The following TMEM39B variants were observed in gnomAD, a reference collection of about 807,000 sequenced individuals.
TMEM39B encodes the protein transmembrane protein 39B.
TMEM39B carries 23 observed loss-of-function variants against 52.2 expected under a neutral mutation model. That is an observed-to-expected ratio of 0.44 (90% CI 0.32 to 0.62). The LOEUF (loss-of-function observed/expected upper bound fraction) is 0.62. TMEM39B is among the 20% of genes least tolerant of loss of function. The pLI is 0.06. For missense variants in TMEM39B, 547 were observed against 642.0 expected (o/e 0.85, Z 1.60); for synonymous variants, 285 against 264.0 (o/e 1.08, Z -0.77).
At position 32,073,013 on chromosome 1, in the gene TMEM39B, T is replaced by C; in HGVS notation, c.-35T>C. 1 of 1,531,936 alleles carries C rather than the reference T, an allele frequency of 6.5e-7. No individual in the cohort carries two copies. The highest frequency in any genetic ancestry group is 2.6e-5 in the East Asian group (1 of 38,316). The allele number at this position is 1,531,936 out of a possible 1,614,324, so 94.9% of individuals were successfully genotyped here. A position where few individuals can be genotyped will look rare whatever the true frequency, so the allele number is the denominator to read the frequency against. On this transcript the variant is annotated 5_prime_UTR_variant, in exon 1 of 9. Coordinates refer to ENST00000336294, the MANE Select transcript of TMEM39B (RefSeq NM_018056.4). ...CCTCCGACATATTGCCCGCAGGAGC[T>C]GCGGCGGCGAAGCGGAGAGCACCGG... is the stretch of plus-strand genomic sequence containing the variant.
At chr1:32,097,713 C>T (rs1193459480) in intron 7 of TMEM39B, among the ~76,000 whole-genome samples, 2 of 147,902 alleles carry the variant, frequency 1.4e-5, no homozygotes, top group African/African-American at 5.0e-5. Flanking sequence ...GGTGTGATCT[C>T]GGCTCACTGC....
chr1:32,085,676 G>C (rs146149983), intron 5 of TMEM39B, among the ~76,000 whole-genome samples: 1 of 151,832 alleles, frequency 6.6e-6, no homozygotes, highest in Non-Finnish European at 1.5e-5. Context: ...GCTTGAACCC[G>C]GGAGGTGGAG....
chr1:32,076,940 T>C, intron 4 of TMEM39B, 94 bp downstream of exon 4: 1 of 1,451,250 alleles, frequency 6.9e-7, no homozygotes, highest in Non-Finnish European at 9.6e-7. Flanking sequence ...AGCCTTAGGG[T>C]ATTTCCTTGG....
In TMEM39B at chr1:32,080,082, G is replaced by T. The variant is rs1045067013; in HGVS notation, c.590+2764G>T. On this transcript the variant is annotated intron_variant, in intron 5 of 8. Transcript: ENST00000336294. ...TTTTTGTATTCTTAGTAGAGATGGG[G>T]TTTCACCGTGTTAGCCAGGATGGTC... Among the ~76,000 whole-genome samples, 4 of 151,922 alleles carry T rather than the reference G, an allele frequency of 2.6e-5. No individual in the cohort carries two copies. The South Asian group carries it at 8.3e-4, about 32-fold the overall frequency.
chr1:32,083,994 G>GACACACACACACACACAGACACAC (rs1553119420), intron 5 of TMEM39B, among the ~76,000 whole-genome samples: 3 of 150,416 alleles, frequency 2.0e-5, no homozygotes, highest in African/African-American at 7.3e-5. Context: ...CAGACACACA[G>GACACACACACACACACAGACACAC]ACACACACAC....
Position 32,095,210 on chromosome 1 carries a change from T to C in TMEM39B, c.1115+239T>C, listed in dbSNP as rs1640769388. ...GGACTGATGGTAATTCATGGACTTG[T>C]TGACTTTCTCTTTGCTGACTGTTTA... On this transcript the variant is annotated intron_variant, in intron 7 of 8. Coordinates refer to ENST00000336294, the MANE Select transcript of TMEM39B (RefSeq NM_018056.4). Among the ~76,000 whole-genome samples, 3 of 152,194 alleles carry C rather than the reference T, an allele frequency of 2.0e-5. No homozygotes were observed. The South Asian group carries it at 6.2e-4, about 32-fold the overall frequency.
At position 32,075,604 on chromosome 1, in the gene TMEM39B, A is replaced by T. The variant is rs867417059; in HGVS notation, c.133A>T (p.Ser45Cys). Residue 45 changes from serine to cysteine, a missense_variant and splice_region_variant, in exon 3 of 9, where the codon AGC (serine) becomes TGC (cysteine). By Grantham distance (112) the Ser-to-Cys change is moderately radical. Transcript: ENST00000336294. ...SVTSVRSRTR[S>C]SSGTGLSSPP... ...ATGTTGTTCCCTCCCCACTGTCAGG[A>T]GCAGTTCTGGAACAGGCCTCTCCAG... 2 of 1,549,858 alleles carry T rather than the reference A, an allele frequency of 1.3e-6. No individual in the cohort carries two copies. The highest frequency in any genetic ancestry group is 1.2e-5 in the South Asian group (1 of 83,980).
intron 6 of TMEM39B, among the ~76,000 whole-genome samples, chr1:32,092,952 A>C (rs1640665109): frequency 1.3e-5 from 2 of 152,222 alleles, no homozygotes; most frequent in African/African-American, 4.8e-5. Flanking sequence ...CAGACATGTC[A>C]CAATGTCTGG....
At chr1:32,083,986 G>GACACACACAC (rs779224876) in intron 5 of TMEM39B, among the ~76,000 whole-genome samples, 8,241 of 151,438 alleles carry the variant, frequency 0.054, 303 homozygotes, top group South Asian at 0.2. Context: ...CCCTGTTTCA[G>GACACACACAC]ACACACAGAC....
upstream of TMEM39B, chr1:32,072,858 G>A (rs1321983428): frequency 1.6e-6 from 1 of 632,320 alleles, no homozygotes; most frequent in Non-Finnish European, 2.6e-6. Context: ...GCCTCCGTCC[G>A]GGCGGCCCCT....
At chr1:32,089,503 A>G (rs1055666311) in intron 5 of TMEM39B, among the ~76,000 whole-genome samples, 1 of 151,892 alleles carries the variant, frequency 6.6e-6, no homozygotes, top group Non-Finnish European at 1.5e-5. Context: ...CTGTTTTTAT[A>G]TTACGGACTG....
chr1:32,088,160 G>T (rs2509304), intron 5 of TMEM39B, among the ~76,000 whole-genome samples: 1 of 137,550 alleles, frequency 7.3e-6, no homozygotes, highest in Non-Finnish European at 1.5e-5. Context: ...GCTCATGCCT[G>T]TAATCCCAGC....
chr1:32,076,395 G>C (rs1338822595), intron 3 of TMEM39B: 5 of 364,026 alleles, frequency 1.4e-5, no homozygotes, highest in Non-Finnish European at 2.7e-5. Context: ...ACAGGCGTGA[G>C]CCACCGCGCC....
chr1:32,094,117 CTTTTT>C (rs796499631), intron 6 of TMEM39B, among the ~76,000 whole-genome samples: 1 of 29,770 alleles, frequency 3.4e-5, no homozygotes, highest in Non-Finnish European at 6.0e-5. Flanking sequence ...TGCGCCTGGC[CTTTTT>C]TTTTTTTTTT....
intron 3 of TMEM39B, chr1:32,076,272 C>T (rs533798790): frequency 1.7e-4 from 43 of 252,908 alleles, no homozygotes; most frequent in African/African-American, 8.0e-4. Context: ...CCGCCATGTC[C>T]GGCTAATTTT....
At position 32,098,566 on chromosome 1, in the gene TMEM39B, T is replaced by A. The variant is rs182907653; in HGVS notation, c.1116-1876T>A. Among the ~76,000 whole-genome samples the A allele has an allele frequency of 3.4e-4, 51 of 151,350 alleles. No homozygotes were observed. In the East Asian group the frequency reaches 9.4e-3, roughly 28 times the overall value. ...GCTAACACGGTGAAACCCCGTCTCT[T>A]CTAAAAATACAAAAAAATTAGCTGG... On this transcript the variant is annotated intron_variant, in intron 7 of 8. Coordinates refer to ENST00000336294, the MANE Select transcript of TMEM39B (RefSeq NM_018056.4).
rs1254213120 is a variant in TMEM39B at position 32,091,708 on chromosome 1, T to C, written c.624T>C (p.Asn208=). 1 of 1,611,710 alleles carries C rather than the reference T, an allele frequency of 6.2e-7. No homozygotes were observed. Residue 208 remains asparagine, a synonymous_variant, in exon 6 of 9, where the codon AAT becomes AAC. Coordinates refer to ENST00000336294, the MANE Select transcript of TMEM39B (RefSeq NM_018056.4). The stretch of plus-strand genomic sequence containing the variant: ...TGTACATTCCGTTCCTGCAGCTGAA[T>C]TGCGACCTCCGCAAGACAAGCCTCT... The part of the protein sequence containing the change: ...FGMYIPFLQL[N]CDLRKTSLFN...
Position 32,091,806 on chromosome 1 carries a change from C to G in TMEM39B, c.722C>G (p.Thr241Arg). ...GLAKSRDYLL[T>R]LRETWKQHTR... Reference sequence around the variant, plus strand: ...GCAAAGAGCCGGGACTACCTCCTGACACTGCGGGAGACGTGGAAGCAGCAC... The same window carrying G: ...GCAAAGAGCCGGGACTACCTCCTGAGACTGCGGGAGACGTGGAAGCAGCAC... Residue 241 changes from threonine to arginine, a missense_variant, in exon 6 of 9, where the codon ACA becomes AGA. By Grantham distance (71) the Thr-to-Arg change is moderately conservative. Transcript: ENST00000336294. The G allele has an allele frequency of 6.2e-7, 1 of 1,614,250 alleles. No homozygotes were observed.
chr1:32,090,020 C>CTCTG lies in TMEM39B; in HGVS notation c.591-1651_591-1648dup, dbSNP rs921419161. On this transcript the variant is annotated intron_variant, in intron 5 of 8. Transcript: ENST00000336294. ...CTCCAGCCTGAGCAACAGAGTGAGA[C>CTCTG]TCTGTCTCAAAAAAAAAGAAAAGAA... is the stretch of plus-strand genomic sequence containing the variant. Among the ~76,000 whole-genome samples, 8 of 151,604 alleles carry CTCTG rather than the reference C, an allele frequency of 5.3e-5. No individual in the cohort carries two copies. In the South Asian group the frequency reaches 1.7e-3, roughly 32 times the overall value.
Sources: gnomAD v4.1 joint callset for allele counts (sites outside exome capture counted in the v4.1 genomes callset) on GRCh38, gnomAD v4.1.1 for gene constraint, MANE v1.5 for transcripts, NCBI Gene and HGNC (gene_info 2026-07-23, HGNC 2026-07-21) for gene names.